COBL: variants seen among roughly 807,000 people sequenced by gnomAD.
COBL encodes the protein protein cordon-bleu.
Under a neutral mutation model 98.8 loss-of-function variants are expected in COBL, and 51 were observed. The ratio of observed to expected loss-of-function variants is 0.52; its 90% CI spans 0.41 to 0.65. The LOEUF (loss-of-function observed/expected upper bound fraction) is 0.65, where lower values mean the gene tolerates loss of function less well. Among genes scored for constraint, COBL ranks in the 30% least tolerant of loss-of-function variants. COBL has a pLI of 0.00. For synonymous variants in COBL, 634 were observed against 651.7 expected, an observed-to-expected ratio of 0.97 and a Z score of 0.41; for missense variants, 1,617 against 1,617.5, an observed-to-expected ratio of 1.00 and a Z score of 0.01.
intron 2 of COBL, among the ~76,000 whole-genome samples, chr7:51,197,134 T>C (rs1790671357): frequency 6.6e-6 from 1 of 152,180 alleles, no homozygotes; most frequent in Non-Finnish European, 1.5e-5. Flanking sequence ...TAAACTGAGA[T>C]CTAACTTTTT....
chr7:51,263,001 C>T (rs758588805), intron 1 of COBL, among the ~76,000 whole-genome samples: 8 of 152,176 alleles, frequency 5.3e-5, no homozygotes, highest in African/African-American at 1.9e-4. Context: ...GGACGAGCCT[C>T]GTCTCCACAC....
intron 2 of COBL, among the ~76,000 whole-genome samples, chr7:51,213,670 T>G (rs991581449): frequency 1.3e-5 from 2 of 152,122 alleles, no homozygotes; most frequent in African/African-American, 4.8e-5. Context: ...ATGCAGTTTC[T>G]GAGAGGCCTG....
chr7:51,025,088 C>A, intron 12 of COBL, 21 bp downstream of exon 12: 3 of 1,611,834 alleles, frequency 1.9e-6, no homozygotes, highest in Admixed American at 1.7e-5. Context: ...CATTGAAATG[C>A]GCACACACAG....
chr7:51,313,702 A>T (rs1803276514), intron 1 of COBL, among the ~76,000 whole-genome samples: 1 of 152,242 alleles, frequency 6.6e-6, no homozygotes, highest in Non-Finnish European at 1.5e-5. Flanking sequence ...TTATTAACAG[A>T]GGGTCCAATG....
At chr7:51,107,677 G>A (rs1238178049) in intron 6 of COBL, among the ~76,000 whole-genome samples, 5 of 152,100 alleles carry the variant, frequency 3.3e-5, no homozygotes, top group Non-Finnish European at 1.5e-5. Context: ...AACATACCAT[G>A]GGCAGACCTC....
chr7:51,220,209 G>C (rs888911298), intron 1 of COBL, among the ~76,000 whole-genome samples: 2 of 152,172 alleles, frequency 1.3e-5, no homozygotes, highest in East Asian at 1.9e-4. Context: ...GTATTCACAG[G>C]ATCTGGTCAA....
chr7:51,102,897 G>T (rs139233470), intron 6 of COBL, among the ~76,000 whole-genome samples: 2 of 152,182 alleles, frequency 1.3e-5, no homozygotes, highest in Non-Finnish European at 2.9e-5. Context: ...GTTGCCAGGC[G>T]ATGAGGGGAA....
chr7:51,312,574 A>G (rs1288342137), intron 1 of COBL, among the ~76,000 whole-genome samples: 1 of 152,234 alleles, frequency 6.6e-6, no homozygotes, highest in Non-Finnish European at 1.5e-5. Context: ...ATTACGGTGT[A>G]TAGATGCATC....
At chr7:51,234,714 A>G (rs1170512990) in intron 1 of COBL, among the ~76,000 whole-genome samples, 3 of 151,682 alleles carry the variant, frequency 2.0e-5, no homozygotes, top group Non-Finnish European at 4.4e-5. Context: ...AAAAAAAAAA[A>G]AAAAAGAAAG....
Position 51,029,402 on chromosome 7 carries a change from C to T in COBL, c.1694G>A (p.Gly565Glu), listed in dbSNP as rs764553431. 6.2e-7 allele frequency: 1 copy of T among 1,613,884 alleles called. No individual in the cohort carries two copies. Among genetic ancestry groups the T allele is most frequent in the South Asian group, 1.1e-5 (1 of 91,028 alleles). The change falls in exon 10 of 13, where the codon GGG (glycine) becomes GAG (glutamate). Residue 565 changes from glycine to glutamate, a missense_variant. Physicochemically the swap from Gly to Glu is moderately conservative, Grantham distance 98 (BLOSUM62 -2). Transcript: ENST00000265136. ...GLFSNRNNNA[G>E]SFDSEGVASR... Reference sequence around the variant, plus strand: ...GGCAACACCCTCCGAGTCGAAAGACCCAGCATTGTTGTTTCTATTGGAAAA... The same window carrying T: ...GGCAACACCCTCCGAGTCGAAAGACTCAGCATTGTTGTTTCTATTGGAAAA...
intron 1 of COBL, among the ~76,000 whole-genome samples, chr7:51,270,144 T>C (rs1472454259): frequency 2.0e-5 from 3 of 152,208 alleles, no homozygotes; most frequent in Non-Finnish European, 2.9e-5. Context: ...GAGCTGAATC[T>C]GGACACCTGT....
At chr7:51,185,010 T>A (rs1203011528) in intron 4 of COBL, among the ~76,000 whole-genome samples, 1 of 152,218 alleles carries the variant, frequency 6.6e-6, no homozygotes. Flanking sequence ...CCTTTCAAAT[T>A]ACATTCTCTA....
chr7:51,038,717 G>T (rs1191198409), intron 8 of COBL, among the ~76,000 whole-genome samples: 1 of 152,120 alleles, frequency 6.6e-6, no homozygotes, highest in Non-Finnish European at 1.5e-5. Flanking sequence ...TTGATGACTG[G>T]GACTACTGCA....
chr7:51,172,437 C>G lies in COBL; in HGVS notation c.783+11665G>C, dbSNP rs1439005377. 4 of 1,279,628 alleles carry G rather than the reference C, an allele frequency of 3.1e-6. No homozygotes were observed. In the East Asian group the frequency reaches 2.2e-4, roughly 72 times the overall value. 79.3% of individuals were successfully genotyped at this position (1,279,628 alleles called of 1,614,324 possible). A position where few individuals can be genotyped will look rare whatever the true frequency, so the allele number is the denominator to read the frequency against. On this transcript the variant is annotated intron_variant, in intron 5 of 12. Coordinates refer to ENST00000265136, the MANE Select transcript of COBL (RefSeq NM_015198.5). The stretch of plus-strand genomic sequence containing the variant: ...TCCAAGCAATTAGCGGAAGCACCTG[C>G]TGGGGCATTAGTACTCACGTTCAAA...
At chr7:51,186,337 T>C (rs1176355908) in intron 4 of COBL, among the ~76,000 whole-genome samples, 1 of 152,240 alleles carries the variant, frequency 6.6e-6, no homozygotes, top group Non-Finnish European at 1.5e-5. Context: ...CATAGCACTT[T>C]CACACCATGG....
At chr7:51,106,043 A>C (rs1250853840) in intron 6 of COBL, among the ~76,000 whole-genome samples, 2 of 150,792 alleles carry the variant, frequency 1.3e-5, no homozygotes, top group Non-Finnish European at 3.0e-5. Flanking sequence ...AAATACAAAA[A>C]AAAAAAAAAA....
At chr7:51,179,234 T>G (rs1266078234) in intron 5 of COBL, among the ~76,000 whole-genome samples, 4 of 152,134 alleles carry the variant, frequency 2.6e-5, no homozygotes, top group African/African-American at 9.7e-5. Flanking sequence ...TTTTTGTTTG[T>G]TTGGTTGGTT....
intron 7 of COBL, among the ~76,000 whole-genome samples, chr7:51,062,158 A>C (rs924394728): frequency 9.9e-5 from 15 of 152,204 alleles, no homozygotes; most frequent in Non-Finnish European, 2.1e-4. Context: ...ACATACATTT[A>C]GCAATGGTCT....
intron 5 of COBL, among the ~76,000 whole-genome samples, chr7:51,159,393 G>C (rs189681351): frequency 6.6e-6 from 1 of 152,206 alleles, no homozygotes; most frequent in Non-Finnish European, 1.5e-5. Flanking sequence ...GTTCTGGCCC[G>C]AGGCACTGTG....
Sources: allele counts gnomAD v4.1 joint callset (sites outside exome capture counted in the v4.1 genomes callset), GRCh38; gene constraint gnomAD v4.1.1; transcripts MANE v1.5; gene names NCBI Gene and HGNC (gene_info 2026-07-23, HGNC 2026-07-21).